The following CDH4 variants were observed in gnomAD, a reference collection of about 807,000 sequenced individuals.
CDH4 encodes cadherin 4.
Under a neutral mutation model 86.0 loss-of-function variants are expected in CDH4, and 33 were observed. That is an observed-to-expected ratio of 0.38 (90% confidence interval 0.29 to 0.51). The LOEUF is 0.51. CDH4 is among the 20% of genes least tolerant of loss of function. CDH4 has a pLI of 0.86. For missense variants in CDH4, 1,114 were observed against 1,307.4 expected (o/e 0.85, Z 2.28); for synonymous variants, 555 against 549.4 (o/e 1.01, Z -0.14).
chr20:61,431,222 A>G (rs2085244545), intron 2 of CDH4, among the ~76,000 whole-genome samples: 1 of 152,162 alleles, frequency 6.6e-6, no homozygotes, highest in South Asian at 2.1e-4. Flanking sequence ...AGCAAACAAG[A>G]CAAAACCCTG....
chr20:61,556,101 C>T lies in CDH4; in HGVS notation c.170-187462C>T, dbSNP rs143242045. 2.1e-4 allele frequency among the ~76,000 whole-genome samples: 32 copies of T among 152,342 alleles called. 2 individuals are homozygous for T. Among genetic ancestry groups the T allele is most frequent in the Non-Finnish European group, 3.4e-4 (23 of 68,032 alleles). On this transcript the variant is annotated intron_variant, in intron 2 of 15. Transcript: ENST00000614565. ...GACACAGATGTTCTCCTGCCTTTCT[C>T]GGTCAGAGCAGCCGTGACCACAGAA...
At chr20:61,743,940 C>T (rs1330482502) in intron 3 of CDH4, 151 bp downstream of exon 3, 1 of 674,418 alleles carries the variant, frequency 1.5e-6, no homozygotes, top group South Asian at 1.8e-5. Flanking sequence ...ACCAAGCACC[C>T]CTGCCCTCTG....
intron 4 of CDH4, among the ~76,000 whole-genome samples, chr20:61,787,960 G>T (rs2146010155): frequency 6.6e-6 from 1 of 152,350 alleles, no homozygotes; most frequent in South Asian, 2.1e-4. Flanking sequence ...TCAGGGGCGT[G>T]TGGCCATGGG....
In CDH4 at chr20:61,517,673, G is replaced by A. The variant is rs1387910232; in HGVS notation, c.170-225890G>A. On this transcript the variant is annotated intron_variant, in intron 2 of 15. Coordinates refer to ENST00000614565, the MANE Select transcript of CDH4 (RefSeq NM_001794.5). This position sits in a 1 kb window ranked among gnomAD's most constrained non-coding sequence, Gnocchi z 6.6. ...GACGGCAGCGCCGCTGTAGGACCAT[G>A]GAGGGAATGAACAAGGAGGGGTTGT... is the stretch of plus-strand genomic sequence containing the variant. Among the ~76,000 whole-genome samples the A allele has an allele frequency of 1.3e-5, 2 of 148,626 alleles. No individual in the cohort carries two copies. The highest frequency in any genetic ancestry group is 5.1e-5 in the African/African-American group (2 of 39,584).
At chr20:61,294,666 C>T (rs2084342302) in intron 2 of CDH4, among the ~76,000 whole-genome samples, 3 of 152,228 alleles carry the variant, frequency 2.0e-5, no homozygotes, top group African/African-American at 7.2e-5. Flanking sequence ...CACGCAGGGC[C>T]CCTGTCGCCC....
intron 2 of CDH4, among the ~76,000 whole-genome samples, chr20:61,498,295 C>A (rs1019106607): frequency 2.6e-5 from 4 of 152,040 alleles, no homozygotes; most frequent in Non-Finnish European, 5.9e-5. Flanking sequence ...ACCGGTTGGC[C>A]GGTTGATTTT....
chr20:61,341,046 G>A (rs1359273684), intron 2 of CDH4, among the ~76,000 whole-genome samples: 4 of 152,312 alleles, frequency 2.6e-5, no homozygotes, highest in African/African-American at 9.6e-5. Context: ...GGCCGCTTGG[G>A]ATGAAACCCT....
chr20:61,759,968 G>C (rs1600957016), intron 3 of CDH4, among the ~76,000 whole-genome samples: 1 of 152,222 alleles, frequency 6.6e-6, no homozygotes. Context: ...GGCCAGGACC[G>C]AGGTCACAAG....
At chr20:61,489,275 T>C (rs2085612937) in intron 2 of CDH4, among the ~76,000 whole-genome samples, 1 of 152,180 alleles carries the variant, frequency 6.6e-6, no homozygotes, top group Non-Finnish European at 1.5e-5. Flanking sequence ...TAGAACCAGG[T>C]TCAGACCCAG....
At chr20:61,792,061 C>T (rs1382387478) in intron 4 of CDH4, among the ~76,000 whole-genome samples, 1 of 152,060 alleles carries the variant, frequency 6.6e-6, no homozygotes, top group Non-Finnish European at 1.5e-5. Flanking sequence ...AAGGTTAAGG[C>T]GAGAGCTGCC....
At chr20:61,559,997 C>T (rs187769191) in intron 2 of CDH4, among the ~76,000 whole-genome samples, 2 of 152,168 alleles carry the variant, frequency 1.3e-5, no homozygotes, top group African/African-American at 2.4e-5. Context: ...CTCTGTCCAT[C>T]GACATCCAAC....
chr20:61,296,288 T>G (rs28366651), intron 2 of CDH4, among the ~76,000 whole-genome samples: 79 of 114,120 alleles, frequency 6.9e-4, no homozygotes, highest in Non-Finnish European at 1.0e-3. Context: ...TGGGTGCGTG[T>G]GTGTGTGTGC....
intron 2 of CDH4, among the ~76,000 whole-genome samples, chr20:61,543,779 G>A (rs909629220): frequency 1.3e-5 from 2 of 152,158 alleles, no homozygotes; most frequent in Non-Finnish European, 2.9e-5. Context: ...CTCCTGCAAC[G>A]TTCATTTCTC....
chr20:61,384,719 A>G (rs1441256970), intron 2 of CDH4, among the ~76,000 whole-genome samples: 1 of 152,206 alleles, frequency 6.6e-6, no homozygotes, highest in Non-Finnish European at 1.5e-5. Context: ...GTTTTAAATT[A>G]TAAATTCTCT....
chr20:61,608,854 A>T (rs2086663954), intron 2 of CDH4, among the ~76,000 whole-genome samples: 1 of 152,148 alleles, frequency 6.6e-6, no homozygotes, highest in African/African-American at 2.4e-5. Flanking sequence ...AGATCACAGC[A>T]GATGTCCACC....
chr20:61,255,313 A>T (rs559319982), intron 2 of CDH4, among the ~76,000 whole-genome samples: 1 of 152,366 alleles, frequency 6.6e-6, no homozygotes, highest in Non-Finnish European at 1.5e-5. Flanking sequence ...AAATGCGGTA[A>T]ATAAGCCCAC....
At chr20:61,255,864 C>T (rs2084095396) in intron 2 of CDH4, among the ~76,000 whole-genome samples, 1 of 152,180 alleles carries the variant, frequency 6.6e-6, no homozygotes, top group Non-Finnish European at 1.5e-5. Context: ...CCTCGCCCTT[C>T]AAGACAGAAC....
chr20:61,667,566 T>G lies in CDH4; in HGVS notation c.170-75997T>G, dbSNP rs531641412. ...ACGGCCCCACTGCACCAGCTGCACATGTGAGCATACACGTGTGCCCCCACA... is the reference window on the plus strand; with the variant it reads ...ACGGCCCCACTGCACCAGCTGCACAGGTGAGCATACACGTGTGCCCCCACA... On this transcript the variant is annotated intron_variant, in intron 2 of 15. Transcript: ENST00000614565. 1.1e-3 allele frequency among the ~76,000 whole-genome samples: 174 copies of G among 152,304 alleles called. 1 individual carries two copies. The highest frequency in any genetic ancestry group is 0.01 in the South Asian group (49 of 4,826).
In CDH4 at chr20:61,910,434, G is replaced by A. The variant is rs957997062; in HGVS notation, c.1201G>A (p.Val401Ile). Reference protein sequence around the residue: ...EFTASTFAGEVPENRVETVVA... With the variant: ...EFTASTFAGEIPENRVETVVA... ...TTCCATTTTGCAGTTTGCAGGGGAG[G>A]TCCCCGAAAACCGCGTGGAGACCGT... Residue 401 changes from valine to isoleucine, a missense_variant, in exon 9 of 16, where the codon GTC becomes ATC. Transcript: ENST00000614565. 2 of 1,613,126 alleles carry A rather than the reference G, an allele frequency of 1.2e-6. No individual in the cohort carries two copies. The highest frequency in any genetic ancestry group is 1.1e-5 in the South Asian group (1 of 91,078).
Sources: allele counts gnomAD v4.1 joint callset (sites outside exome capture counted in the v4.1 genomes callset), GRCh38; gene constraint gnomAD v4.1.1; non-coding constraint Gnocchi (gnomAD v3.1); transcripts MANE v1.5; gene names NCBI Gene and HGNC (gene_info 2026-07-23, HGNC 2026-07-21).